DIP2C: variants seen among roughly 807,000 people sequenced by gnomAD.
DIP2C encodes the protein DIP2 acetate--CoA ligase C (putative), also known as disco-interacting protein 2 homolog C.
Under a neutral mutation model 192.4 loss-of-function variants are expected in DIP2C, and 33 were observed. That is an observed-to-expected ratio of 0.17 (90% CI 0.13 to 0.23). The LOEUF (loss-of-function observed/expected upper bound fraction) is 0.23. Among genes scored for constraint, DIP2C ranks in the 10% least tolerant of loss-of-function variants. The pLI is 1.00. For missense variants in DIP2C, 1,537 were observed against 2,110.1 expected, an observed-to-expected ratio of 0.73 and a Z score of 5.32; for synonymous variants, 979 against 864.1, an observed-to-expected ratio of 1.13 and a Z score of -2.33.
chr10:607,091 C>A (rs1177782838), intron 1 of DIP2C, among the ~76,000 whole-genome samples: 1 of 152,188 alleles, frequency 6.6e-6, no homozygotes, highest in African/African-American at 2.4e-5. Flanking sequence ...ACGGCCTGCA[C>A]GGCACCCTGC....
intron 1 of DIP2C, among the ~76,000 whole-genome samples, chr10:552,478 C>G (rs139995764): frequency 6.1e-4 from 93 of 152,312 alleles, no homozygotes; most frequent in Non-Finnish European, 1.2e-3. Flanking sequence ...TAAGTGTTCT[C>G]ATAGACTAAG....
At chr10:658,824 T>A (rs1856571238) in intron 1 of DIP2C, among the ~76,000 whole-genome samples, 1 of 152,240 alleles carries the variant, frequency 6.6e-6, no homozygotes, top group Non-Finnish European at 1.5e-5. Context: ...CGTGTTTACC[T>A]AATGGCTCAA....
intron 31 of DIP2C, among the ~76,000 whole-genome samples, chr10:315,557 G>A (rs1196030334): frequency 1.3e-5 from 2 of 152,182 alleles, no homozygotes; most frequent in African/African-American, 4.8e-5. Context: ...AGAACTCAGT[G>A]TTGTTTTTAT....
chr10:432,388 GTTT>G (rs1966868843), intron 4 of DIP2C, among the ~76,000 whole-genome samples: 2 of 152,106 alleles, frequency 1.3e-5, no homozygotes, highest in African/African-American at 2.4e-5. Flanking sequence ...TATACAGATT[GTTT>G]CCTCCTGTTC....
At chr10:638,039 T>C (rs2131918880) in intron 1 of DIP2C, among the ~76,000 whole-genome samples, 1 of 152,302 alleles carries the variant, frequency 6.6e-6, no homozygotes, top group Middle Eastern at 3.4e-3. Flanking sequence ...CAGCCCTTCC[T>C]TCCTCTTCTG....
chr10:557,154 G>C (rs1258019752), intron 1 of DIP2C, among the ~76,000 whole-genome samples: 1 of 152,204 alleles, frequency 6.6e-6, no homozygotes, highest in African/African-American at 2.4e-5. Context: ...CTGCAGAAAG[G>C]AGCAGCCCTG....
At chr10:581,746 G>GC (rs1850678111) in intron 1 of DIP2C, among the ~76,000 whole-genome samples, 2 of 152,058 alleles carry the variant, frequency 1.3e-5, no homozygotes, top group African/African-American at 4.8e-5. Context: ...ACCCGGTTCT[G>GC]CCCAGGCCCT....
At chr10:505,573 T>TG (rs1845543005) in intron 1 of DIP2C, among the ~76,000 whole-genome samples, 1 of 151,766 alleles carries the variant, frequency 6.6e-6, no homozygotes, top group South Asian at 2.1e-4. Context: ...GTGCTTCCTG[T>TG]GGGTGCCCCT....
intron 1 of DIP2C, among the ~76,000 whole-genome samples, chr10:620,171 T>C (rs1853767315): frequency 6.6e-6 from 1 of 152,222 alleles, no homozygotes; most frequent in Non-Finnish European, 1.5e-5. Flanking sequence ...TTGTATAGTC[T>C]TACAAGGCCA....
chr10:579,516 G>C (rs570902426), intron 1 of DIP2C, among the ~76,000 whole-genome samples: 14 of 150,468 alleles, frequency 9.3e-5, no homozygotes, highest in African/African-American at 3.4e-4. Context: ...TGTACATGCA[G>C]AGAGCATACA....
chr10:382,429 A>C lies in DIP2C; in HGVS notation c.1991+218T>G. ...TTCCACTTATTAAGGAATTACCGTGAAACTGCAGAGAGCGATAAATGTTTT... is the reference window on the plus strand; with the variant it reads ...TTCCACTTATTAAGGAATTACCGTGCAACTGCAGAGAGCGATAAATGTTTT... On this transcript the variant is annotated intron_variant, in intron 17 of 36. Coordinates refer to ENST00000280886, the MANE Select transcript of DIP2C (RefSeq NM_014974.3). 1.2e-5 allele frequency: 6 copies of C among 482,426 alleles called. No individual in the cohort carries two copies. The South Asian group carries it at 1.5e-4, about 12-fold the overall frequency. The allele number at this position is 482,426 out of a possible 1,614,324, so 29.9% of individuals were successfully genotyped here.
intron 8 of DIP2C, among the ~76,000 whole-genome samples, chr10:409,838 G>T (rs1965068262): frequency 6.6e-6 from 1 of 152,234 alleles, no homozygotes; most frequent in African/African-American, 2.4e-5. Context: ...AACAGTCTGA[G>T]ATCAAATAAC....
Position 350,079 on chromosome 10 carries a change from G to A in DIP2C, c.2986-625C>T, listed in dbSNP as rs1055960653. Among the ~76,000 whole-genome samples the A allele has an allele frequency of 5.9e-5, 9 of 152,226 alleles. No individual in the cohort carries two copies. In the South Asian group the frequency reaches 6.2e-4, roughly 11 times the overall value. ...TGCAAGATATATACCAAGAAACATC[G>A]CAAGAGTGTGGGATTCGCTGTTTTT... On this transcript the variant is annotated intron_variant, in intron 24 of 36. Transcript: ENST00000280886.
At chr10:439,995 A>G (rs982850800) in intron 4 of DIP2C, among the ~76,000 whole-genome samples, 4 of 152,206 alleles carry the variant, frequency 2.6e-5, no homozygotes, top group Non-Finnish European at 5.9e-5. Context: ...CACATGAATA[A>G]TGTTGGAATC....
rs566023270 is a variant in DIP2C at position 664,439 on chromosome 10, C to T, written c.85+25055G>A. On this transcript the variant is annotated intron_variant, in intron 1 of 36. Coordinates refer to ENST00000280886, the MANE Select transcript of DIP2C (RefSeq NM_014974.3). ...GGGTAGGCCCAGACCCACCTCACCC[C>T]CAGCGGGACCCAGGAAAGGCTTTAA... 6.2e-4 allele frequency: 94 copies of T among 152,354 alleles called. 1 individual carries two copies. Among genetic ancestry groups the T allele is most frequent in the African/African-American group, 2.1e-3 (89 of 41,580 alleles). The allele number at this position is 152,354 out of a possible 1,614,324, so 9.4% of individuals were successfully genotyped here.
intron 3 of DIP2C, among the ~76,000 whole-genome samples, chr10:457,674 GC>G (rs1969411792): frequency 1.3e-5 from 2 of 152,126 alleles, no homozygotes; most frequent in African/African-American, 4.8e-5. Flanking sequence ...TTCCACCTCA[GC>G]CCCCTGGGTA....
intron 20 of DIP2C, among the ~76,000 whole-genome samples, chr10:364,172 G>A (rs1959897974): frequency 6.6e-6 from 1 of 152,164 alleles, no homozygotes. Flanking sequence ...TATTTATGGA[G>A]CTCAGGGAAT....
chr10:655,928 T>G (rs1446154636), intron 1 of DIP2C, among the ~76,000 whole-genome samples: 2 of 150,354 alleles, frequency 1.3e-5, no homozygotes, highest in Non-Finnish European at 3.0e-5. Context: ...ATACTATATG[T>G]TACACTATTT....
chr10:420,237 G>A (rs900972030), intron 5 of DIP2C, among the ~76,000 whole-genome samples: 12 of 152,262 alleles, frequency 7.9e-5, no homozygotes, highest in Admixed American at 3.9e-4. Context: ...ACAGGACACA[G>A]AAGATCGAGG....
Sources: gnomAD v4.1 joint callset for allele counts (sites outside exome capture counted in the v4.1 genomes callset) on GRCh38, gnomAD v4.1.1 for gene constraint, MANE v1.5 for transcripts, NCBI Gene and HGNC (gene_info 2026-07-23, HGNC 2026-07-21) for gene names.